Variants in NXPH2 observed in about 807,000 individuals in gnomAD.
The protein encoded by NXPH2 is neurexophilin 2.
Under a neutral mutation model 19.8 loss-of-function variants are expected in NXPH2, and 5 were observed. The observed-to-expected ratio is 0.25, with a 90% CI of 0.13 to 0.53. The LOEUF (loss-of-function observed/expected upper bound fraction) is 0.53, where lower values mean the gene tolerates loss of function less well. NXPH2 is among the 20% of genes least tolerant of loss of function. The pLI is 0.96. For missense variants in NXPH2, 289 were observed against 322.8 expected, an observed-to-expected ratio of 0.90 and a Z score of 0.80; for synonymous variants, 154 against 127.4, an observed-to-expected ratio of 1.21 and a Z score of -1.41.
At chr2:138,765,795 T>G (rs1264438438) in intron 1 of NXPH2, among the ~76,000 whole-genome samples, 2 of 152,244 alleles carry the variant, frequency 1.3e-5, no homozygotes, top group African/African-American at 4.8e-5. Context: ...AGTGTAATCC[T>G]ACTATATTTT....
chr2:138,684,572 G>T (rs1323555026), intron 1 of NXPH2, among the ~76,000 whole-genome samples: 2 of 151,984 alleles, frequency 1.3e-5, no homozygotes, highest in Non-Finnish European at 2.9e-5. Flanking sequence ...CAAATGCTCT[G>T]GAAAAAAGAT....
chr2:138,710,008 C>A (rs998612616), intron 1 of NXPH2, among the ~76,000 whole-genome samples: 1 of 152,192 alleles, frequency 6.6e-6, no homozygotes, highest in Non-Finnish European at 1.5e-5. Context: ...GCAACCATCA[C>A]AACTGTCTAT....
At chr2:138,703,332 T>C (rs1425840447) in intron 1 of NXPH2, among the ~76,000 whole-genome samples, 13 of 152,188 alleles carry the variant, frequency 8.5e-5, no homozygotes, top group Admixed American at 7.2e-4. Flanking sequence ...CCAGCTGTTG[T>C]TGAAAAATCA....
At chr2:138,754,325 T>C in intron 1 of NXPH2, among the ~76,000 whole-genome samples, 1 of 152,146 alleles carries the variant, frequency 6.6e-6, no homozygotes, top group African/African-American at 2.4e-5. Flanking sequence ...ATACAGCCTG[T>C]CCTTCACTAT....
chr2:138,726,969 C>T (rs1040499293), intron 1 of NXPH2, among the ~76,000 whole-genome samples: 2 of 152,176 alleles, frequency 1.3e-5, no homozygotes, highest in African/African-American at 4.8e-5. Context: ...CTGCTCACCC[C>T]AGGCAGCCAC....
chr2:138,691,124 T>C (rs1453635965), intron 1 of NXPH2, among the ~76,000 whole-genome samples: 1 of 152,196 alleles, frequency 6.6e-6, no homozygotes, highest in African/African-American at 2.4e-5. Flanking sequence ...CAAGGTGATT[T>C]TGGAAAAGTG....
intron 1 of NXPH2, among the ~76,000 whole-genome samples, chr2:138,734,026 C>G (rs1342547751): frequency 6.6e-6 from 1 of 152,176 alleles, no homozygotes; most frequent in Non-Finnish European, 1.5e-5. Context: ...AGGTGGATCA[C>G]CTGATGTCAG....
At chr2:138,739,533 G>T (rs1014254652) in intron 1 of NXPH2, among the ~76,000 whole-genome samples, 3 of 152,172 alleles carry the variant, frequency 2.0e-5, no homozygotes, top group Non-Finnish European at 4.4e-5. Context: ...AGAGGAAATG[G>T]CAAGTGGTCC....
intron 1 of NXPH2, among the ~76,000 whole-genome samples, chr2:138,744,094 C>T (rs1248954031): frequency 1.3e-5 from 2 of 151,370 alleles, no homozygotes; most frequent in Non-Finnish European, 1.5e-5. Flanking sequence ...CTCTCTTACT[C>T]GCTTTAAGAA....
intron 1 of NXPH2, among the ~76,000 whole-genome samples, chr2:138,709,932 T>G (rs1198632347): frequency 6.6e-6 from 1 of 152,250 alleles, no homozygotes. Context: ...ATATTTTGGT[T>G]GCTTCCTAAT....
chr2:138,712,663 C>G (rs1681122025), intron 1 of NXPH2, among the ~76,000 whole-genome samples: 1 of 152,186 alleles, frequency 6.6e-6, no homozygotes. Flanking sequence ...GCAATGCTTC[C>G]TTCCCCTCAC....
At chr2:138,704,614 G>A (rs772965890) in intron 1 of NXPH2, among the ~76,000 whole-genome samples, 3 of 152,120 alleles carry the variant, frequency 2.0e-5, no homozygotes, top group Admixed American at 6.6e-5. Context: ...AAGGTATTTA[G>A]CTCCTTTAGA....
intron 1 of NXPH2, among the ~76,000 whole-genome samples, chr2:138,684,405 A>G (rs1157382274): frequency 2.0e-5 from 3 of 152,234 alleles, no homozygotes; most frequent in African/African-American, 7.2e-5. Flanking sequence ...AGTTTATTCT[A>G]GAAAATGAAA....
At chr2:138,761,521 A>C (rs1682017684) in intron 1 of NXPH2, among the ~76,000 whole-genome samples, 1 of 152,212 alleles carries the variant, frequency 6.6e-6, no homozygotes, top group South Asian at 2.1e-4. Context: ...GTTGGTTTCA[A>C]GAAAGAAGCT....
chr2:138,770,682 C>G (rs796761427), intron 1 of NXPH2, among the ~76,000 whole-genome samples: 34 of 151,942 alleles, frequency 2.2e-4, no homozygotes, highest in African/African-American at 7.7e-4. Flanking sequence ...TACATTCCAG[C>G]AAAAATGAAT....
intron 1 of NXPH2, among the ~76,000 whole-genome samples, chr2:138,728,149 G>C (rs1383657255): frequency 1.4e-5 from 1 of 69,758 alleles, no homozygotes; most frequent in Non-Finnish European, 3.2e-5. Flanking sequence ...GAAGACACCA[G>C]AGTGCGCTCT....
chr2:138,753,969 T>C (rs1364795989), intron 1 of NXPH2, among the ~76,000 whole-genome samples: 4 of 152,248 alleles, frequency 2.6e-5, no homozygotes, highest in Admixed American at 6.5e-5. Context: ...ACCCCCTCCC[T>C]ATCCTCTTCA....
chr2:138,752,303 A>T (rs1681839781), intron 1 of NXPH2, among the ~76,000 whole-genome samples: 1 of 152,146 alleles, frequency 6.6e-6, no homozygotes, highest in African/African-American at 2.4e-5. Context: ...AATAAAACTC[A>T]GGCATCCAGT....
chr2:138,678,369 G>C (rs1459824632), intron 1 of NXPH2, among the ~76,000 whole-genome samples: 3 of 152,160 alleles, frequency 2.0e-5, no homozygotes, highest in African/African-American at 7.2e-5. Flanking sequence ...ATCTGGCTGA[G>C]GTAGAGCAAA....
Sources: gnomAD v4.1 joint callset for allele counts (sites outside exome capture counted in the v4.1 genomes callset) on GRCh38, gnomAD v4.1.1 for gene constraint, MANE v1.5 for transcripts, NCBI Gene and HGNC (gene_info 2026-07-23, HGNC 2026-07-21) for gene names.